Variants in FAM163A observed in about 807,000 individuals in gnomAD.
FAM163A encodes the protein family with sequence similarity 163 member A.
In FAM163A, 7 loss-of-function variants were observed where a neutral mutation model predicts 12.0. The ratio of observed to expected loss-of-function variants is 0.58; its 90% CI spans 0.33 to 1.10. FAM163A has a LOEUF of 1.10. Among genes scored for constraint, FAM163A ranks in the 50% least tolerant of loss-of-function variants. FAM163A has a pLI of 0.03. For missense variants in FAM163A, 202 were observed against 218.6 expected (o/e 0.92, Z 0.48); for synonymous variants, 101 against 91.0 (o/e 1.11, Z -0.62).
chr1:179,770,693 G>C (rs1469933712), intron 1 of FAM163A, among the ~76,000 whole-genome samples: 1 of 151,972 alleles, frequency 6.6e-6, no homozygotes, highest in East Asian at 1.9e-4. Context: ...CCTTGGTCTG[G>C]ATGACTTGCG....
At chr1:179,793,183 T>C (rs550840498) in intron 1 of FAM163A, among the ~76,000 whole-genome samples, 1 of 152,294 alleles carries the variant, frequency 6.6e-6, no homozygotes, top group African/African-American at 2.4e-5. Flanking sequence ...CCCCAGTTTC[T>C]TCAACCATTG....
intron 1 of FAM163A, among the ~76,000 whole-genome samples, chr1:179,760,350 TAG>T (rs1215904240): frequency 1.3e-5 from 2 of 152,150 alleles, no homozygotes; most frequent in Non-Finnish European, 2.9e-5. Flanking sequence ...CTATCAATAT[TAG>T]AGACAGACAC....
At chr1:179,771,654 A>G (rs921372333) in intron 1 of FAM163A, among the ~76,000 whole-genome samples, 2 of 152,068 alleles carry the variant, frequency 1.3e-5, no homozygotes, top group African/African-American at 4.8e-5. Context: ...CTCATAGCTC[A>G]CATCCTGGCT....
chr1:179,743,921 G>T (rs1325478442), intron 1 of FAM163A, among the ~76,000 whole-genome samples: 4 of 152,206 alleles, frequency 2.6e-5, no homozygotes, highest in Admixed American at 2.6e-4. Context: ...CATGAGGCCG[G>T]GGCAGGGGAC....
the FAM163A span, among the ~76,000 whole-genome samples, chr1:179,734,797 C>A: frequency 3.9e-5 from 6 of 152,128 alleles, no homozygotes; most frequent in African/African-American, 7.2e-5. Flanking sequence ...ACCAGATGAA[C>A]CTGTCTTCAA....
chr1:179,807,239 C>T lies in FAM163A; in HGVS notation c.-135-559C>T, dbSNP rs542818071. Among the ~76,000 whole-genome samples the T allele has an allele frequency of 5.9e-5, 9 of 152,278 alleles. No homozygotes were observed. The South Asian group carries it at 1.7e-3, about 28-fold the overall frequency. On this transcript the variant is annotated intron_variant, in intron 1 of 4. Coordinates refer to ENST00000341785, the MANE Select transcript of FAM163A (RefSeq NM_173509.3). ...GCCCTGCCTCCCCCTCCACCATCAG[C>T]GCAGCAGCCTGAACTTGCTCATCTG...
chr1:179,749,356 T>A (rs1199118827), intron 1 of FAM163A, among the ~76,000 whole-genome samples: 1 of 152,140 alleles, frequency 6.6e-6, no homozygotes, highest in African/African-American at 2.4e-5. Flanking sequence ...GAAAACCTAG[T>A]GTGTGCTCAA....
chr1:179,728,596 C>T, the FAM163A span, among the ~76,000 whole-genome samples: 1 of 152,160 alleles, frequency 6.6e-6, no homozygotes. Flanking sequence ...CTGGCATCTC[C>T]ATATCTCCCT....
upstream of FAM163A, chr1:179,741,959 C>T (rs953212417): frequency 3.9e-5 from 6 of 152,158 alleles, no homozygotes; most frequent in Non-Finnish European, 8.8e-5. Flanking sequence ...TTCTGTGTTA[C>T]AGTTTATAAC....
At chr1:179,813,701 G>A (rs746355433) in intron 4 of FAM163A, 78 bp from the exon 5 acceptor site, 38 of 1,523,890 alleles carry the variant, frequency 2.5e-5, no homozygotes, top group Non-Finnish European at 3.3e-5. Flanking sequence ...GGGGACAGGG[G>A]CACCTGTGCA....
the FAM163A span, among the ~76,000 whole-genome samples, chr1:179,728,657 TG>T: frequency 1.3e-5 from 2 of 152,232 alleles, no homozygotes; most frequent in African/African-American, 4.8e-5. Flanking sequence ...TGTTTGTTTT[TG>T]GTCTTTCATT....
intron 1 of FAM163A, among the ~76,000 whole-genome samples, chr1:179,799,433 G>T (rs1246840374): frequency 1.3e-5 from 2 of 152,240 alleles, no homozygotes; most frequent in African/African-American, 4.8e-5. Context: ...GGTTAGAAGA[G>T]CCAGGGTGGC....
chr1:179,746,135 AC>A (rs1253202365), intron 1 of FAM163A, among the ~76,000 whole-genome samples: 2 of 152,236 alleles, frequency 1.3e-5, no homozygotes, highest in Non-Finnish European at 2.9e-5. Flanking sequence ...TTGTAGAAAA[AC>A]AGGTACTTTC....
the FAM163A span, among the ~76,000 whole-genome samples, chr1:179,736,350 A>T: frequency 6.6e-6 from 1 of 152,046 alleles, no homozygotes; most frequent in Admixed American, 6.5e-5. Context: ...AAATAACCCA[A>T]CTAAAAATGG....
upstream of FAM163A, among the ~76,000 whole-genome samples, chr1:179,740,830 A>T (rs1261153894): frequency 6.6e-6 from 1 of 152,214 alleles, no homozygotes; most frequent in African/African-American, 2.4e-5. Context: ...GACTGTGTCA[A>T]TGTCAATATC....
chr1:179,774,606 C>T (rs567583219), intron 1 of FAM163A, among the ~76,000 whole-genome samples: 2 of 152,288 alleles, frequency 1.3e-5, no homozygotes, highest in African/African-American at 4.8e-5. Context: ...GGGCTGAGTA[C>T]AGCAGGGAAG....
At chr1:179,784,360 AAC>A (rs1253702478) in intron 1 of FAM163A, among the ~76,000 whole-genome samples, 1 of 152,224 alleles carries the variant, frequency 6.6e-6, no homozygotes, top group Non-Finnish European at 1.5e-5. Flanking sequence ...CCAGCTCTGT[AAC>A]TTACTGGATG....
At chr1:179,732,789 G>A in the FAM163A span, among the ~76,000 whole-genome samples, 1 of 141,676 alleles carries the variant, frequency 7.1e-6, no homozygotes, top group Non-Finnish European at 1.5e-5. Flanking sequence ...GCTGAGGCAG[G>A]AGAATCGCTT....
intron 1 of FAM163A, among the ~76,000 whole-genome samples, chr1:179,776,842 A>C (rs750018120): frequency 2.0e-5 from 3 of 152,206 alleles, no homozygotes; most frequent in African/African-American, 4.8e-5. Context: ...CACTACCTCT[A>C]TTTAGTGTCA....
Sources: gnomAD v4.1 joint callset for allele counts (sites outside exome capture counted in the v4.1 genomes callset) on GRCh38, gnomAD v4.1.1 for gene constraint, MANE v1.5 for transcripts, NCBI Gene and HGNC (gene_info 2026-07-23, HGNC 2026-07-21) for gene names.